DCC: variants seen among roughly 807,000 people sequenced by gnomAD.
DCC encodes the protein netrin receptor DCC.
A neutral mutation model predicts 172.5 loss-of-function variants in DCC; 58 were observed. The ratio of observed to expected loss-of-function variants is 0.34; its 90% CI spans 0.27 to 0.42. The LOEUF is 0.42. Ranked by LOEUF, DCC falls within the 10% of genes least tolerant of loss-of-function variation. DCC has a pLI of 1.00. For synonymous variants in DCC, 709 were observed against 644.5 expected (o/e 1.10, Z -1.52); for missense variants, 1,740 against 1,791.0 (o/e 0.97, Z 0.51).
At chr18:53,181,047 T>C (rs2055188957) in intron 9 of DCC, among the ~76,000 whole-genome samples, 1 of 152,220 alleles carries the variant, frequency 6.6e-6, no homozygotes. Context: ...ACACACACAC[T>C]ATATATGGTA....
intron 2 of DCC, among the ~76,000 whole-genome samples, chr18:52,756,747 T>G (rs767563018): frequency 8.5e-5 from 13 of 152,186 alleles, no homozygotes; most frequent in Non-Finnish European, 1.8e-4. Context: ...TGGAGTATTT[T>G]CTGTTCAGCA....
intron 7 of DCC, among the ~76,000 whole-genome samples, chr18:53,084,929 T>TA (rs1173083873): frequency 2.0e-5 from 3 of 152,208 alleles, no homozygotes; most frequent in Non-Finnish European, 4.4e-5. Context: ...TAGTGATTTT[T>TA]AAAATTATAT....
At chr18:53,353,682 A>T (rs2057839769) in intron 15 of DCC, among the ~76,000 whole-genome samples, 1 of 152,178 alleles carries the variant, frequency 6.6e-6, no homozygotes, top group Non-Finnish European at 1.5e-5. Context: ...CTAGGTTGAT[A>T]AATTATTTTC....
At chr18:53,502,522 A>T (rs1238183240) in intron 27 of DCC, among the ~76,000 whole-genome samples, 7 of 152,216 alleles carry the variant, frequency 4.6e-5, no homozygotes, top group Admixed American at 4.6e-4. Flanking sequence ...AGACTTAAAG[A>T]TGAAATACTT....
chr18:52,995,114 C>A (rs943495124), intron 5 of DCC, among the ~76,000 whole-genome samples: 1 of 151,984 alleles, frequency 6.6e-6, no homozygotes, highest in Admixed American at 6.6e-5. Flanking sequence ...TAAAGTGGTG[C>A]CTAAATTAAC....
At chr18:53,222,423 C>T (rs1418645629) in intron 12 of DCC, among the ~76,000 whole-genome samples, 1 of 126,806 alleles carries the variant, frequency 7.9e-6, no homozygotes, top group Non-Finnish European at 1.6e-5. Context: ...CTTGCTCTGT[C>T]ACCCAGGCTG....
At chr18:52,919,207 A>G (rs966857738) in intron 3 of DCC, among the ~76,000 whole-genome samples, 1 of 152,216 alleles carries the variant, frequency 6.6e-6, no homozygotes, top group Non-Finnish European at 1.5e-5. Flanking sequence ...CCGTGGCTGC[A>G]GAGCTCATGC....
intron 21 of DCC, among the ~76,000 whole-genome samples, chr18:53,425,756 G>C (rs1041985568): frequency 2.6e-5 from 4 of 151,958 alleles, no homozygotes; most frequent in Non-Finnish European, 4.4e-5. Context: ...GAAACCCTGT[G>C]TTTATTCATC....
intron 1 of DCC, among the ~76,000 whole-genome samples, chr18:52,446,797 C>T (rs886801413): frequency 6.6e-6 from 1 of 152,178 alleles, no homozygotes; most frequent in Non-Finnish European, 1.5e-5. Context: ...TCACCAGACC[C>T]CCTGGGACTC....
At chr18:52,677,321 C>CA (rs2035662144) in intron 1 of DCC, among the ~76,000 whole-genome samples, 1 of 151,696 alleles carries the variant, frequency 6.6e-6, no homozygotes, top group South Asian at 2.1e-4. Context: ...GCATACATTA[C>CA]AAAAAAAGAG....
intron 5 of DCC, among the ~76,000 whole-genome samples, chr18:53,048,720 A>G (rs2042294148): frequency 6.6e-6 from 1 of 151,282 alleles, no homozygotes; most frequent in Non-Finnish European, 1.5e-5. Flanking sequence ...CAATGATGGG[A>G]TTGCTAAGTC....
At chr18:52,888,374 G>A (rs2039598957) in intron 2 of DCC, among the ~76,000 whole-genome samples, 1 of 152,156 alleles carries the variant, frequency 6.6e-6, no homozygotes. Context: ...TTTTTCCACA[G>A]GTGCATTTGT....
At chr18:53,258,577 C>G (rs939649493) in intron 12 of DCC, among the ~76,000 whole-genome samples, 1 of 151,982 alleles carries the variant, frequency 6.6e-6, no homozygotes, top group Non-Finnish European at 1.5e-5. Flanking sequence ...GTCTGAGAGA[C>G]AGTTTGTTAT....
At chr18:52,778,936 T>G (rs373986992) in intron 2 of DCC, among the ~76,000 whole-genome samples, 1 of 152,216 alleles carries the variant, frequency 6.6e-6, no homozygotes, top group African/African-American at 2.4e-5. Context: ...CTTTTCCCAC[T>G]GCTTTCCAGT....
chr18:52,899,762 T>G (rs913301400), intron 2 of DCC, among the ~76,000 whole-genome samples: 1 of 152,008 alleles, frequency 6.6e-6, no homozygotes, highest in African/African-American at 2.4e-5. Context: ...TGCCAAAGTG[T>G]TGGGATTATA....
intron 1 of DCC, among the ~76,000 whole-genome samples, chr18:52,372,365 A>G (rs1187775503): frequency 6.6e-6 from 1 of 152,154 alleles, no homozygotes; most frequent in Non-Finnish European, 1.5e-5. Context: ...TCTGTTTGAG[A>G]GTCCATGCAT....
At chr18:53,159,590 A>G (rs139900853) in intron 8 of DCC, among the ~76,000 whole-genome samples, 89 of 152,348 alleles carry the variant, frequency 5.8e-4, no homozygotes, top group African/African-American at 2.0e-3. Context: ...TAAAACTGCT[A>G]TACAAATATA....
intron 5 of DCC, among the ~76,000 whole-genome samples, chr18:53,001,717 G>A (rs979192968): frequency 3.3e-5 from 5 of 151,954 alleles, no homozygotes; most frequent in Admixed American, 2.0e-4. Flanking sequence ...AAGCAATAAT[G>A]AATTTTATCT....
intron 9 of DCC, among the ~76,000 whole-genome samples, chr18:53,194,588 G>A (rs1360931197): frequency 2.6e-5 from 4 of 152,054 alleles, no homozygotes; most frequent in Middle Eastern, 3.2e-3. Context: ...TCCTGCCTCA[G>A]CCTCCCAAGT....
Sources: gnomAD v4.1 joint callset for allele counts (sites outside exome capture counted in the v4.1 genomes callset) on GRCh38, gnomAD v4.1.1 for gene constraint, MANE v1.5 for transcripts, NCBI Gene and HGNC (gene_info 2026-07-23, HGNC 2026-07-21) for gene names.